Variants in VRTN observed in about 807,000 individuals in gnomAD.
VRTN encodes vertnin.
In VRTN, 5 loss-of-function variants were observed where a neutral mutation model predicts 18.2. That is an observed-to-expected ratio of 0.27 (90% CI 0.14 to 0.58). The LOEUF (loss-of-function observed/expected upper bound fraction) is 0.58. VRTN is among the 20% of genes least tolerant of loss of function. The pLI is 0.91. For missense variants in VRTN, 741 were observed against 939.4 expected, an observed-to-expected ratio of 0.79 and a Z score of 2.76; for synonymous variants, 381 against 393.7, an observed-to-expected ratio of 0.97 and a Z score of 0.38.
At chr14:74,311,772 C>CTTTT (rs34712936) in intron 1 of VRTN, among the ~76,000 whole-genome samples, 1 of 144,320 alleles carries the variant, frequency 6.9e-6, no homozygotes, top group Non-Finnish European at 1.5e-5. Flanking sequence ...CATATACAGA[C>CTTTT]TTTTTTTTTT....
chr14:74,357,981 G>A lies in VRTN; in HGVS notation c.1198G>A (p.Val400Ile). The A allele has an allele frequency of 6.2e-7, 1 of 1,614,224 alleles. No individual in the cohort carries two copies. The highest frequency in any genetic ancestry group is 8.5e-7 in the Non-Finnish European group (1 of 1,180,038). ...ACTGGCGGTGTCAAGCCCTGGAATG[G>A]TCTTAATGCAGCGGGCCAAGTTGTA... ...SALAVSSPGM[V>I]LMQRAKLYLE... The change falls in exon 2 of 2, where the codon GTC (valine) becomes ATC (isoleucine). Residue 400 changes from valine (V) to isoleucine (I), a missense_variant. Physicochemically the swap from Val to Ile is conservative, Grantham distance 29. Coordinates refer to ENST00000256362, the MANE Select transcript of VRTN (RefSeq NM_018228.3). The surrounding 1 kb of genome is among the most constrained non-coding windows in gnomAD (Gnocchi z 7.8).
upstream of VRTN, among the ~76,000 whole-genome samples, chr14:74,343,546 C>T (rs1468645483): frequency 6.6e-6 from 1 of 152,144 alleles, no homozygotes; most frequent in African/African-American, 2.4e-5. Context: ...ACAGGCTTAC[C>T]CACCGTAGCA....
chr14:74,346,551 C>G (rs1357175874), upstream of VRTN, among the ~76,000 whole-genome samples: 5 of 152,072 alleles, frequency 3.3e-5, no homozygotes, highest in Admixed American at 3.3e-4. Flanking sequence ...GTAGCTGGGA[C>G]TATAGGCATG....
intron 1 of VRTN, among the ~76,000 whole-genome samples, chr14:74,319,238 T>G (rs2085437425): frequency 6.6e-6 from 1 of 152,000 alleles, no homozygotes; most frequent in Non-Finnish European, 1.5e-5. Flanking sequence ...TTCACTATGT[T>G]GGCCAGGCTG....
upstream of VRTN, among the ~76,000 whole-genome samples, chr14:74,347,889 A>G (rs2085653782): frequency 6.6e-6 from 1 of 152,152 alleles, no homozygotes; most frequent in Non-Finnish European, 1.5e-5. Context: ...GTTGAGCCCC[A>G]AGCCTGGGGG....
intron 1 of VRTN, among the ~76,000 whole-genome samples, chr14:74,325,101 GT>G (rs2085480348): frequency 6.6e-6 from 1 of 152,020 alleles, no homozygotes; most frequent in Non-Finnish European, 1.5e-5. Context: ...CTGGCTGCAG[GT>G]TTTTCGCATC....
At chr14:74,344,333 G>A (rs1392556066), upstream of VRTN, among the ~76,000 whole-genome samples, 5 of 138,076 alleles carry the variant, frequency 3.6e-5, no homozygotes, top group Non-Finnish European at 6.1e-5. Flanking sequence ...AGGATTGCTT[G>A]ATCAAGGTCA....
intron 1 of VRTN, among the ~76,000 whole-genome samples, chr14:74,334,031 A>T (rs2085547123): frequency 6.6e-6 from 1 of 152,108 alleles, no homozygotes; most frequent in Admixed American, 6.6e-5. Flanking sequence ...AGGCACAAAG[A>T]GGTTAAGCAA....
chr14:74,308,544 C>T (rs903854781), intron 1 of VRTN, among the ~76,000 whole-genome samples: 3 of 151,850 alleles, frequency 2.0e-5, no homozygotes, highest in African/African-American at 7.3e-5. Context: ...GATGGAGTTT[C>T]GCTCTTGTTG....
At chr14:74,347,427 T>C (rs1595173527), upstream of VRTN, among the ~76,000 whole-genome samples, 3 of 152,144 alleles carry the variant, frequency 2.0e-5, no homozygotes, top group Admixed American at 2.0e-4. Context: ...TTGTGAAGGA[T>C]TTTTGCTTTT....
Position 74,358,124 on chromosome 14 carries a change from C to A in VRTN, c.1341C>A (p.Asn447Lys), listed in dbSNP as rs768793398. 11 of 1,614,004 alleles carry A rather than the reference C, an allele frequency of 6.8e-6. No individual in the cohort carries two copies. The African/African-American group carries it at 1.3e-4, about 20-fold the overall frequency. ...GGCGGCGAAAGGCCCTCCGGAGGAA[C>A]CCCAGCTTCAAGCCGGCACCAGCCC... Reference protein sequence around the residue: ...YNWRRKALRRNPSFKPAPALS... With the variant: ...YNWRRKALRRKPSFKPAPALS... Residue 447 changes from asparagine (N) to lysine (K), a missense_variant, in exon 2 of 2, where the codon AAC (asparagine) becomes AAA (lysine). Coordinates refer to ENST00000256362, the MANE Select transcript of VRTN (RefSeq NM_018228.3). This position sits in a 1 kb window ranked among gnomAD's most constrained non-coding sequence, Gnocchi z 5.4.
intron 1 of VRTN, among the ~76,000 whole-genome samples, chr14:74,355,964 C>T (rs761344859): frequency 1.3e-4 from 19 of 151,686 alleles, no homozygotes; most frequent in South Asian, 6.3e-4. Context: ...CCCAAGTAGC[C>T]GGGACTATAG....
intron 1 of VRTN, among the ~76,000 whole-genome samples, chr14:74,320,395 G>T (rs1395808698): frequency 2.7e-5 from 4 of 149,474 alleles, no homozygotes; most frequent in African/African-American, 9.8e-5. Flanking sequence ...CAAGAAGCTG[G>T]GACTACAGGC....
At chr14:74,348,763 C>T (rs1416185442) in intron 1 of VRTN, 111 bp downstream of exon 1, 18 of 152,362 alleles carry the variant, frequency 1.2e-4, no homozygotes, top group Admixed American at 1.2e-3. Flanking sequence ...GGGCCCAGGT[C>T]AAGGAGTGGC....
At chr14:74,324,322 AGGT>A (rs2085474245) in intron 1 of VRTN, among the ~76,000 whole-genome samples, 2 of 139,878 alleles carry the variant, frequency 1.4e-5, no homozygotes, top group Non-Finnish European at 3.0e-5. Flanking sequence ...CGGGAGGCAG[AGGT>A]TGCAGTGAGC....
chr14:74,331,282 C>T (rs918328058), intron 1 of VRTN, among the ~76,000 whole-genome samples: 1 of 151,496 alleles, frequency 6.6e-6, no homozygotes, highest in East Asian at 1.9e-4. Flanking sequence ...AATGCCAGCA[C>T]TTTGGGAGGC....
chr14:74,317,901 G>C (rs556465944), intron 1 of VRTN, among the ~76,000 whole-genome samples: 1 of 152,346 alleles, frequency 6.6e-6, no homozygotes, highest in Non-Finnish European at 1.5e-5. Flanking sequence ...CAACATGGGA[G>C]TATTGCTTGA....
intron 1 of VRTN, 76 bp from the exon 2 acceptor site, chr14:74,356,707 T>G: frequency 6.7e-7 from 1 of 1,489,146 alleles, no homozygotes; most frequent in Non-Finnish European, 8.9e-7. Flanking sequence ...AGTGCAGGAG[T>G]GGACAGGGCA....
At chr14:74,340,437 G>T (rs1478896649) in intron 2 of VRTN, among the ~76,000 whole-genome samples, 1 of 149,402 alleles carries the variant, frequency 6.7e-6, no homozygotes, top group Admixed American at 6.7e-5. Flanking sequence ...GTAGACACGG[G>T]GTTTCACCAT....
Sources: gnomAD v4.1 joint callset for allele counts (sites outside exome capture counted in the v4.1 genomes callset) on GRCh38, gnomAD v4.1.1 for gene constraint, Gnocchi (gnomAD v3.1) non-coding constraint, MANE v1.5 for transcripts, NCBI Gene and HGNC (gene_info 2026-07-23, HGNC 2026-07-21) for gene names.